The following PRKAG2 variants were observed in gnomAD, a reference collection of about 807,000 sequenced individuals.
PRKAG2 encodes 5'-AMP-activated protein kinase subunit gamma-2.
A neutral mutation model predicts 69.6 loss-of-function variants in PRKAG2; 26 were observed. That is an observed-to-expected ratio of 0.37 (90% CI 0.27 to 0.52). The LOEUF (loss-of-function observed/expected upper bound fraction) is 0.52. Among genes scored for constraint, PRKAG2 ranks in the 20% least tolerant of loss-of-function variants. The pLI is 0.90. For synonymous variants in PRKAG2, 293 were observed against 285.0 expected, an observed-to-expected ratio of 1.03 and a Z score of -0.28; for missense variants, 557 against 740.0, an observed-to-expected ratio of 0.75 and a Z score of 2.87.
At chr7:151,631,531 G>T in intron 5 of PRKAG2, 2 of 314,336 alleles carry the variant, frequency 6.4e-6, no homozygotes, top group South Asian at 4.8e-5. Flanking sequence ...GAGGAGAGGC[G>T]ACAGAAATGA....
chr7:151,765,312 C>T (rs1390409666), intron 3 of PRKAG2, among the ~76,000 whole-genome samples: 1 of 152,158 alleles, frequency 6.6e-6, no homozygotes, highest in Non-Finnish European at 1.5e-5. Flanking sequence ...GGAAGTGCTA[C>T]ACACTTTTCA....
intron 9 of PRKAG2, 37 bp downstream of exon 9, chr7:151,572,627 C>T (rs369584438): frequency 3.6e-5 from 53 of 1,489,222 alleles, no homozygotes; most frequent in Middle Eastern, 1.7e-4. Flanking sequence ...ATAGCTTTCC[C>T]GATACTAAAA....
In PRKAG2 at chr7:151,619,221, C is replaced by T. The variant is rs143691587; in HGVS notation, c.754+12848G>A. On this transcript the variant is annotated intron_variant, in intron 5 of 15. Coordinates refer to ENST00000287878, the MANE Select transcript of PRKAG2 (RefSeq NM_016203.4). ...AAGCATCTACCACAGCCAATGATTC[C>T]TTTCTCAGGGAAGAAAACCCAGTGA... Among the ~76,000 whole-genome samples the T allele has an allele frequency of 1.4e-4, 22 of 152,308 alleles. No individual in the cohort carries two copies. In the East Asian group the frequency reaches 4.2e-3, roughly 29 times the overall value.
rs1289045435 is a variant in PRKAG2 at position 151,675,439 on chromosome 7, T to G, written c.665A>C (p.His222Pro). 1.9e-6 allele frequency: 3 copies of G among 1,613,826 alleles called. No homozygotes were observed. Among genetic ancestry groups the G allele is most frequent in the Admixed American group, 3.3e-5 (2 of 60,008 alleles). ...ACTTACGGCTTTGGAGGGAGCATAG[T>G]GTGTCGGTGATGCCAGTGGAGGCCT... ...PTRPPLASPTHYAPSKAAALA... is the reference protein window; with the variant it reads ...PTRPPLASPTPYAPSKAAALA... The change falls in exon 4 of 16, where the codon CAC becomes CCC. Residue 222 changes from histidine (H) to proline (P), a missense_variant. Physicochemically the swap from His to Pro is moderately conservative, Grantham distance 77. Around this residue, in one of 2 missense-constraint regions of PRKAG2, gnomAD observed 352 missense variants for 356.7 expected, o/e 0.99. Coordinates refer to ENST00000287878, the MANE Select transcript of PRKAG2 (RefSeq NM_016203.4).
chr7:151,805,146 C>T (rs978742921), intron 1 of PRKAG2, among the ~76,000 whole-genome samples: 1 of 152,232 alleles, frequency 6.6e-6, no homozygotes, highest in Non-Finnish European at 1.5e-5. Context: ...GCAGAAACCA[C>T]ACCACCTGAC....
intron 14 of PRKAG2, 109 bp from the exon 15 acceptor site, chr7:151,560,726 A>C (rs2150972608): frequency 1.4e-6 from 2 of 1,392,826 alleles, no homozygotes; most frequent in Middle Eastern, 1.8e-4. Context: ...ACATCCCTCC[A>C]GCCTGGGGAA....
chr7:151,720,555 A>G (rs1796887105), intron 3 of PRKAG2, among the ~76,000 whole-genome samples: 1 of 151,014 alleles, frequency 6.6e-6, no homozygotes, highest in Admixed American at 6.6e-5. Flanking sequence ...TCTGTTTTGA[A>G]AACAAAGCAC....
chr7:151,692,105 T>C (rs55738063), intron 3 of PRKAG2, among the ~76,000 whole-genome samples: 2 of 152,206 alleles, frequency 1.3e-5, no homozygotes, highest in African/African-American at 2.4e-5. Context: ...TGAGGATTAC[T>C]TAAGTCTGGG....
chr7:151,654,724 G>A (rs548275054), intron 4 of PRKAG2, among the ~76,000 whole-genome samples: 5 of 152,264 alleles, frequency 3.3e-5, no homozygotes, highest in East Asian at 1.9e-4. Flanking sequence ...ACAGAGTCTC[G>A]CTCTATGGCC....
At chr7:151,810,314 T>A (rs970598489) in intron 1 of PRKAG2, 5 of 152,260 alleles carry the variant, frequency 3.3e-5, no homozygotes, top group African/African-American at 1.2e-4. Context: ...TTGTTTGGGT[T>A]GTGAGAAAAG....
intron 4 of PRKAG2, among the ~76,000 whole-genome samples, chr7:151,667,623 G>A (rs1401553899): frequency 6.6e-6 from 1 of 152,198 alleles, no homozygotes; most frequent in Non-Finnish European, 1.5e-5. Context: ...TTCTACCTTG[G>A]ATAGGAGGAA....
chr7:151,676,572 T>A (rs995692545), intron 3 of PRKAG2, among the ~76,000 whole-genome samples: 2 of 152,176 alleles, frequency 1.3e-5, no homozygotes, highest in Non-Finnish European at 2.9e-5. Flanking sequence ...CAGAAACAAC[T>A]CTATTTCTTC....
chr7:151,567,506 C>G lies in PRKAG2; in HGVS notation c.1233+1210G>C, dbSNP rs1160122998. Among the ~76,000 whole-genome samples, 2 of 152,010 alleles carry G rather than the reference C, an allele frequency of 1.3e-5. No individual in the cohort carries two copies. The highest frequency in any genetic ancestry group is 2.9e-5 in the Non-Finnish European group (2 of 67,992). ...AGCTGCAGGCCTGGCACGTGGGGGC[C>G]CTGAATACATCCTTCCCACCCCATG... On this transcript the variant is annotated intron_variant, in intron 11 of 15. Transcript: ENST00000287878. The surrounding 1 kb of genome is among the most constrained non-coding windows in gnomAD (Gnocchi z 4.2).
intron 3 of PRKAG2, among the ~76,000 whole-genome samples, chr7:151,715,438 C>CCAATTCTCCTGTCTCAG (rs1277865712): frequency 3.3e-5 from 5 of 151,584 alleles, no homozygotes; most frequent in African/African-American, 1.2e-4. Flanking sequence ...ACCTCCACTT[C>CCAATTCTCCTGTCTCAG]CAATTCTCCT....
At chr7:151,856,177 G>A (rs1257143475) in intron 1 of PRKAG2, among the ~76,000 whole-genome samples, 1 of 152,232 alleles carries the variant, frequency 6.6e-6, no homozygotes, top group Non-Finnish European at 1.5e-5. Flanking sequence ...GCCACCTGCA[G>A]GCAGGTATTC....
intron 6 of PRKAG2, among the ~76,000 whole-genome samples, chr7:151,584,637 C>A (rs1414494509): frequency 6.6e-6 from 1 of 152,194 alleles, no homozygotes; most frequent in African/African-American, 2.4e-5. Context: ...GCAAGGAAGG[C>A]TAGGCACAGT....
intron 5 of PRKAG2, among the ~76,000 whole-genome samples, chr7:151,601,938 G>C (rs200163130): frequency 6.6e-6 from 1 of 152,238 alleles, no homozygotes; most frequent in East Asian, 1.9e-4. Context: ...GCGGCTGTCA[G>C]GGAGGGAACG....
intron 1 of PRKAG2, among the ~76,000 whole-genome samples, chr7:151,795,857 A>ATG (rs2077483964): frequency 1.6e-5 from 2 of 122,706 alleles, no homozygotes; most frequent in Middle Eastern, 4.0e-3. Flanking sequence ...ATATATATAT[A>ATG]TATATATATA....
intron 1 of PRKAG2, among the ~76,000 whole-genome samples, chr7:151,845,147 C>T (rs889961077): frequency 6.6e-6 from 1 of 151,998 alleles, no homozygotes; most frequent in Non-Finnish European, 1.5e-5. Flanking sequence ...GATCACTGCT[C>T]GGCATCCCTC....
Sources: allele counts gnomAD v4.1 joint callset (sites outside exome capture counted in the v4.1 genomes callset), GRCh38; gene constraint gnomAD v4.1.1; regional missense constraint gnomAD v4.1.1; non-coding constraint Gnocchi (gnomAD v3.1); transcripts MANE v1.5; gene names NCBI Gene and HGNC (gene_info 2026-07-23, HGNC 2026-07-21).